TTC28: variants seen among roughly 807,000 people sequenced by gnomAD.
TTC28 encodes tetratricopeptide repeat protein 28.
TTC28 carries 61 observed loss-of-function variants against 198.0 expected under a neutral mutation model. The ratio of observed to expected loss-of-function variants is 0.31; its 90% CI spans 0.25 to 0.38. TTC28 has a LOEUF of 0.38. Among genes scored for constraint, TTC28 ranks in the 10% least tolerant of loss-of-function variants. TTC28 has a pLI of 1.00. For missense variants in TTC28, 2,678 were observed against 3,164.0 expected (o/e 0.85, Z 3.69); for synonymous variants, 1,171 against 1,297.8 (o/e 0.90, Z 2.10).
At chr22:28,319,077 C>G (rs2045402971) in intron 2 of TTC28, among the ~76,000 whole-genome samples, 1 of 152,080 alleles carries the variant, frequency 6.6e-6, no homozygotes, top group South Asian at 2.1e-4. Context: ...ATCCTCTCAC[C>G]TCAACCTCCC....
At chr22:28,307,644 A>G (rs921092525) in intron 2 of TTC28, among the ~76,000 whole-genome samples, 13 of 152,216 alleles carry the variant, frequency 8.5e-5, no homozygotes, top group African/African-American at 3.1e-4. Context: ...GTATACAACC[A>G]GCAAATTAGG....
intron 12 of TTC28, among the ~76,000 whole-genome samples, chr22:28,074,554 T>C (rs1941104296): frequency 6.6e-6 from 1 of 152,192 alleles, no homozygotes; most frequent in African/African-American, 2.4e-5. Flanking sequence ...TGCCAGGTGT[T>C]CAGGGCATCT....
At position 27,983,409 on chromosome 22, in the gene TTC28, T is replaced by C; in HGVS notation, c.6258A>G (p.Gln2086=). ...CTCTCATGCCTCCGGCTGTCCCAGG[T>C]TGGGGTTGTTTGTGGTCTGGTGAGA... ...TCFSPDHKQP[Q]PGTAGGMRVS... is the part of the protein sequence containing the mutation. The change falls in exon 23 of 23, where the codon CAA becomes CAG. Residue 2086 remains glutamine (Q), a synonymous_variant. Transcript: ENST00000397906. The C allele has an allele frequency of 3.2e-6, 5 of 1,550,848 alleles. No homozygotes were observed. The highest frequency in any genetic ancestry group is 2.4e-5 in the East Asian group (1 of 40,888).
intron 2 of TTC28, among the ~76,000 whole-genome samples, chr22:28,506,114 G>T (rs891715241): frequency 6.6e-6 from 1 of 152,116 alleles, no homozygotes; most frequent in Non-Finnish European, 1.5e-5. Context: ...AGCCACTCCA[G>T]CCAGGGTTCT....
At chr22:28,228,283 T>C (rs370729391) in intron 5 of TTC28, among the ~76,000 whole-genome samples, 3 of 152,148 alleles carry the variant, frequency 2.0e-5, no homozygotes, top group South Asian at 2.1e-4. Context: ...GTTCTGGAGA[T>C]GGATGGTGGT....
chr22:28,213,837 A>G (rs1927141909), intron 5 of TTC28, among the ~76,000 whole-genome samples: 1 of 152,170 alleles, frequency 6.6e-6, no homozygotes, highest in East Asian at 1.9e-4. Context: ...TCCTAAGCCA[A>G]AAGAACAAAG....
intron 2 of TTC28, among the ~76,000 whole-genome samples, chr22:28,593,750 A>T (rs2146098946): frequency 6.6e-6 from 1 of 152,260 alleles, no homozygotes; most frequent in South Asian, 2.1e-4. Flanking sequence ...AAAGGAAGTA[A>T]TTATTTAAAA....
chr22:27,990,985 G>C (rs910391999), intron 19 of TTC28, among the ~76,000 whole-genome samples, 173 bp from the exon 20 acceptor site: 36 of 152,308 alleles, frequency 2.4e-4, no homozygotes, highest in Non-Finnish European at 1.5e-5. Flanking sequence ...ACACACAGGA[G>C]AACGGACAGC....
chr22:28,083,719 T>G (rs180781474), intron 12 of TTC28, among the ~76,000 whole-genome samples: 12 of 152,334 alleles, frequency 7.9e-5, no homozygotes, highest in African/African-American at 2.9e-4. Context: ...GAGGCATCGC[T>G]TCACCAGGGA....
intron 12 of TTC28, among the ~76,000 whole-genome samples, chr22:28,068,706 T>C (rs1940852484): frequency 6.6e-6 from 1 of 152,220 alleles, no homozygotes; most frequent in Non-Finnish European, 1.5e-5. Context: ...ACTTTAATGT[T>C]TGAATAGAAA....
intron 1 of TTC28, among the ~76,000 whole-genome samples, chr22:28,640,004 C>G (rs2051337214): frequency 6.6e-6 from 1 of 151,982 alleles, no homozygotes; most frequent in African/African-American, 2.4e-5. Flanking sequence ...AGATAAGAAA[C>G]AGAAAAATCC....
intron 2 of TTC28, among the ~76,000 whole-genome samples, chr22:28,517,003 T>C (rs935442430): frequency 6.6e-6 from 1 of 152,218 alleles, no homozygotes; most frequent in Admixed American, 6.5e-5. Flanking sequence ...ACTCCTGTTA[T>C]ACTTGAGGAA....
At chr22:28,202,478 A>G (rs1926051848) in intron 5 of TTC28, among the ~76,000 whole-genome samples, 1 of 151,950 alleles carries the variant, frequency 6.6e-6, no homozygotes, top group South Asian at 2.1e-4. Context: ...CAAAGGTTGC[A>G]GTGAGCCAAG....
chr22:28,175,229 A>G (rs1326727790), intron 5 of TTC28, among the ~76,000 whole-genome samples: 1 of 152,202 alleles, frequency 6.6e-6, no homozygotes, highest in Non-Finnish European at 1.5e-5. Context: ...CATGAGCTCA[A>G]AAGCACAGGC....
intron 9 of TTC28, among the ~76,000 whole-genome samples, chr22:28,099,508 A>G (rs1469334659): frequency 6.6e-6 from 1 of 152,032 alleles, no homozygotes; most frequent in Non-Finnish European, 1.5e-5. Context: ...GCTACCTGCC[A>G]CTCGCCCACT....
chr22:28,236,236 T>C (rs1326455114), intron 5 of TTC28, among the ~76,000 whole-genome samples: 1 of 152,208 alleles, frequency 6.6e-6, no homozygotes, highest in Non-Finnish European at 1.5e-5. Context: ...GAAGAGAGAT[T>C]GGTGACTTTT....
At position 28,099,441 on chromosome 22, in the gene TTC28, G is replaced by A. The variant is rs553932670; in HGVS notation, c.3418-397C>T. On this transcript the variant is annotated intron_variant, in intron 9 of 22. Transcript: ENST00000397906. ...ACAGCTCGTGCCTGGTCTCACTAGC[G>A]CCCAGAGTGAGTAAAGCCATGGTGA... 2.1e-4 allele frequency among the ~76,000 whole-genome samples: 32 copies of A among 152,288 alleles called. 1 individual carries two copies. The South Asian group carries it at 6.6e-3, about 32-fold the overall frequency.
chr22:28,579,926 C>T (rs999561257), intron 2 of TTC28, among the ~76,000 whole-genome samples: 5 of 151,984 alleles, frequency 3.3e-5, no homozygotes, highest in African/African-American at 4.8e-5. Flanking sequence ...GCCAAGATCG[C>T]GCCACTGCAC....
chr22:28,677,197 TATATAC>T (rs369487207), intron 1 of TTC28, among the ~76,000 whole-genome samples: 4,831 of 103,062 alleles, frequency 0.047, 389 homozygotes, highest in African/African-American at 0.11. Context: ...TATATATATA[TATATAC>T]ACACATATAT....
Sources: allele counts gnomAD v4.1 joint callset (sites outside exome capture counted in the v4.1 genomes callset), GRCh38; gene constraint gnomAD v4.1.1; transcripts MANE v1.5; gene names NCBI Gene and HGNC (gene_info 2026-07-23, HGNC 2026-07-21).